The following GRM8 variants were observed in gnomAD, a reference collection of about 807,000 sequenced individuals.
The protein encoded by GRM8 is metabotropic glutamate receptor 8.
In GRM8, 47 loss-of-function variants were observed where a neutral mutation model predicts 87.2. The ratio of observed to expected loss-of-function variants is 0.54; its 90% CI spans 0.43 to 0.69. GRM8 has a LOEUF of 0.69. Ranked by LOEUF, GRM8 falls within the 30% of genes least tolerant of loss-of-function variation. The pLI, the probability that GRM8 is intolerant of heterozygous loss-of-function variation, is 0.00. For synonymous variants in GRM8, 396 were observed against 404.5 expected (o/e 0.98, Z 0.25); for missense variants, 1,019 against 1,139.2 (o/e 0.89, Z 1.52).
At chr7:127,161,087 C>A (rs1265738978) in intron 2 of GRM8, among the ~76,000 whole-genome samples, 1 of 152,080 alleles carries the variant, frequency 6.6e-6, no homozygotes, top group South Asian at 2.1e-4. Flanking sequence ...CATTCTTTAT[C>A]ATACACTTAA....
chr7:126,756,297 GA>G, intron 7 of GRM8, among the ~76,000 whole-genome samples: 1 of 152,098 alleles, frequency 6.6e-6, no homozygotes, highest in Admixed American at 6.6e-5. Context: ...ATGTAAAAGG[GA>G]AAACTATTAA....
At chr7:126,904,704 G>A (rs2131235363) in intron 3 of GRM8, 21 bp from the exon 4 acceptor site, 2 of 1,608,912 alleles carry the variant, frequency 1.2e-6, no homozygotes, top group Non-Finnish European at 1.7e-6. Context: ...AAGAAGGGAG[G>A]TGGTGATTCA....
At chr7:126,564,813 A>T (rs560204340) in intron 8 of GRM8, among the ~76,000 whole-genome samples, 1 of 152,206 alleles carries the variant, frequency 6.6e-6, no homozygotes, top group Admixed American at 6.6e-5. Context: ...ATGAGTATAG[A>T]AGCAAAATTC....
At chr7:127,211,037 T>C (rs1021991507) in intron 2 of GRM8, among the ~76,000 whole-genome samples, 5 of 152,192 alleles carry the variant, frequency 3.3e-5, no homozygotes, top group African/African-American at 1.2e-4. Flanking sequence ...CCAGAATGCA[T>C]ATATTGGAAC....
intron 3 of GRM8, among the ~76,000 whole-genome samples, chr7:127,011,656 A>C (rs1031867068): frequency 7.2e-5 from 11 of 152,164 alleles, no homozygotes; most frequent in Non-Finnish European, 1.5e-4. Context: ...CAAATTTTTC[A>C]TTTCTGATTC....
In GRM8 at chr7:127,111,820, A is replaced by T. The variant is rs1587052421; in HGVS notation, c.511-5108T>A. Among the ~76,000 whole-genome samples, 3 of 152,124 alleles carry T rather than the reference A, an allele frequency of 2.0e-5. No homozygotes were observed. In the East Asian group the frequency reaches 5.8e-4, roughly 29 times the overall value. The stretch of plus-strand genomic sequence containing the variant: ...GGTGGGCAGATCACCTGAGGTCAGG[A>T]GTTCGAGACCAGCCTGGTCAACACG... On this transcript the variant is annotated intron_variant, in intron 2 of 10. Transcript: ENST00000339582.
At chr7:127,144,846 T>C (rs1379513139) in intron 2 of GRM8, among the ~76,000 whole-genome samples, 2 of 152,114 alleles carry the variant, frequency 1.3e-5, no homozygotes, top group Non-Finnish European at 2.9e-5. Context: ...AAGACTAAAA[T>C]GCACTCTCTG....
intron 7 of GRM8, among the ~76,000 whole-genome samples, chr7:126,694,753 T>C (rs1018185594): frequency 4.6e-5 from 7 of 152,242 alleles, no homozygotes; most frequent in African/African-American, 1.7e-4. Context: ...ATGCATTTGC[T>C]ATTAAATTAT....
chr7:126,723,083 T>C (rs1418600968), intron 7 of GRM8, among the ~76,000 whole-genome samples: 1 of 149,094 alleles, frequency 6.7e-6, no homozygotes, highest in Non-Finnish European at 1.5e-5. Context: ...TGGAGGGTGC[T>C]TTTCCCTTTA....
chr7:126,646,952 C>T (rs1585354997), intron 7 of GRM8, among the ~76,000 whole-genome samples: 1 of 152,192 alleles, frequency 6.6e-6, no homozygotes, highest in East Asian at 1.9e-4. Context: ...AGGGCTGGTG[C>T]TATATTTACT....
At chr7:126,761,057 GC>G (rs1183205617) in intron 7 of GRM8, among the ~76,000 whole-genome samples, 2 of 152,134 alleles carry the variant, frequency 1.3e-5, no homozygotes, top group African/African-American at 4.8e-5. Context: ...AAATTAGCCG[GC>G]TTGGCGGCAT....
chr7:126,796,897 A>G (rs1822009880), intron 6 of GRM8, among the ~76,000 whole-genome samples: 1 of 152,088 alleles, frequency 6.6e-6, no homozygotes, highest in South Asian at 2.1e-4. Context: ...CACTGAGCTC[A>G]TCATCTTATC....
intron 6 of GRM8, among the ~76,000 whole-genome samples, chr7:126,862,164 A>C (rs190459653): frequency 8.2e-4 from 124 of 152,102 alleles, no homozygotes; most frequent in African/African-American, 2.8e-3. Flanking sequence ...TACAAACTCA[A>C]TTTATCTTTG....
chr7:127,092,058 G>A (rs555623011), intron 3 of GRM8, among the ~76,000 whole-genome samples: 3 of 64,882 alleles, frequency 4.6e-5, no homozygotes, highest in African/African-American at 1.9e-4. Flanking sequence ...TCATCACCTC[G>A]CCCCACTGGT....
At chr7:126,519,424 A>G (rs186853202) in intron 9 of GRM8, among the ~76,000 whole-genome samples, 3 of 152,212 alleles carry the variant, frequency 2.0e-5, no homozygotes, top group African/African-American at 7.2e-5. Context: ...ATTTGAGCTA[A>G]TAGTCAATAG....
chr7:126,706,466 G>A (rs556312445), intron 7 of GRM8, among the ~76,000 whole-genome samples: 8 of 152,182 alleles, frequency 5.3e-5, no homozygotes, highest in Admixed American at 2.0e-4. Context: ...CAGTAAGGTG[G>A]GGGGAAATCT....
intron 3 of GRM8, among the ~76,000 whole-genome samples, chr7:127,089,125 G>C (rs899398048): frequency 5.3e-5 from 8 of 152,200 alleles, no homozygotes. Context: ...TCTTAGAATA[G>C]AGTGAGCCCT....
intron 6 of GRM8, among the ~76,000 whole-genome samples, chr7:126,796,144 C>A (rs1259066167): frequency 1.3e-5 from 2 of 151,762 alleles, no homozygotes; most frequent in Non-Finnish European, 2.9e-5. Flanking sequence ...CATAACGTAC[C>A]TTTGTAAATG....
At chr7:126,617,820 G>A (rs1799677239) in intron 7 of GRM8, among the ~76,000 whole-genome samples, 1 of 152,110 alleles carries the variant, frequency 6.6e-6, no homozygotes, top group Non-Finnish European at 1.5e-5. Context: ...CAACTTACAA[G>A]GGATGTGAAG....
Sources: allele counts gnomAD v4.1 joint callset (sites outside exome capture counted in the v4.1 genomes callset), GRCh38; gene constraint gnomAD v4.1.1; transcripts MANE v1.5; gene names NCBI Gene and HGNC (gene_info 2026-07-23, HGNC 2026-07-21).